The following CEP135 variants were observed in gnomAD, a reference collection of about 807,000 sequenced individuals.
CEP135 encodes the protein centrosomal protein 135.
Under a neutral mutation model 157.3 loss-of-function variants are expected in CEP135, and 142 were observed. The ratio of observed to expected loss-of-function variants is 0.90; its 90% CI spans 0.79 to 1.04. The LOEUF is 1.04. Ranked by LOEUF, CEP135 falls within the 50% of genes least tolerant of loss-of-function variation. The pLI is 0.00. For missense variants in CEP135, 1,317 were observed against 1,309.2 expected (o/e 1.01, Z -0.09); for synonymous variants, 396 against 439.8 (o/e 0.90, Z 1.25).
intron 19 of CEP135, 108 bp downstream of exon 19, chr4:56,010,011 CATAA>C: frequency 8.7e-7 from 1 of 1,151,358 alleles, no homozygotes; most frequent in Non-Finnish European, 1.2e-6. Context: ...AAATAAGTGA[CATAA>C]ATAATTCATT....
In CEP135 at chr4:56,031,409, A is replaced by G. The variant is rs1560430444; in HGVS notation, c.*61A>G. The G allele has an allele frequency of 6.6e-6, 1 of 152,632 alleles. No homozygotes were observed. The highest frequency in any genetic ancestry group is 1.9e-4 in the East Asian group (1 of 5,196). 9.5% of individuals were successfully genotyped at this position (152,632 alleles called of 1,614,324 possible). On this transcript the variant is annotated 3_prime_UTR_variant, in exon 26 of 26. Coordinates refer to ENST00000257287, the MANE Select transcript of CEP135 (RefSeq NM_025009.5). ...ATGTGGATTTTTAAAAGAACAGAAC[A>G]GTAATGAAATATTTGAAGTACTTGT... is the stretch of plus-strand genomic sequence containing the variant.
intron 10 of CEP135, 82 bp from the exon 11 acceptor site, chr4:55,974,664 A>C: frequency 9.7e-7 from 1 of 1,025,778 alleles, no homozygotes; most frequent in East Asian, 2.6e-5. Flanking sequence ...CTTTCATTCT[A>C]AAAGTTATTA....
chr4:55,978,905 T>G (rs1022186356), intron 11 of CEP135, among the ~76,000 whole-genome samples: 12 of 152,244 alleles, frequency 7.9e-5, no homozygotes, highest in African/African-American at 2.7e-4. Context: ...ATAGTTACAT[T>G]GGTTAAGTCC....
chr4:55,965,431 A>G (rs1000494718), intron 7 of CEP135: 2 of 417,602 alleles, frequency 4.8e-6, no homozygotes, highest in Admixed American at 4.2e-5. Flanking sequence ...TGTCCTTTCT[A>G]TGCTTGAAAA....
intron 6 of CEP135, among the ~76,000 whole-genome samples, chr4:55,963,382 G>A (rs1462814340): frequency 2.0e-5 from 3 of 151,922 alleles, no homozygotes; most frequent in African/African-American, 7.3e-5. Context: ...AGCTATTTCT[G>A]CTGTCTCAAA....
At chr4:55,973,818 G>T (rs1384827591) in intron 10 of CEP135, among the ~76,000 whole-genome samples, 1 of 152,122 alleles carries the variant, frequency 6.6e-6, no homozygotes, top group Non-Finnish European at 1.5e-5. Flanking sequence ...GTTGGCTTCT[G>T]TTGCCATCTC....
rs142238802 is a variant in CEP135, at chr4:56,018,050, G to A, written c.3012+193G>A. Among the ~76,000 whole-genome samples, 656 of 151,826 alleles carry A rather than the reference G, an allele frequency of 4.3e-3. 2 individuals carry two copies. The highest frequency in any genetic ancestry group is 0.017 in the Middle Eastern group (5 of 294). ...GCGATCTCAACTCACCACAACTTCC[G>A]CCTCCTGGGTTCAACCAATTCTCCC... On this transcript the variant is annotated intron_variant, in intron 22 of 25. Transcript: ENST00000257287.
rs542243668 is a variant in CEP135 at position 55,954,136 on chromosome 4, T to A, written c.305-80T>A. 9.7e-5 allele frequency: 126 copies of A among 1,299,340 alleles called. No homozygotes were observed. In the East Asian group the frequency reaches 3.1e-3, roughly 32 times the overall value. The allele number at this position is 1,299,340 out of a possible 1,614,324, so 80.5% of individuals were successfully genotyped here. A position where few individuals can be genotyped will look rare whatever the true frequency, so the allele number is the denominator to read the frequency against. On this transcript the variant is annotated intron_variant, in intron 3 of 25. Coordinates refer to ENST00000257287, the MANE Select transcript of CEP135 (RefSeq NM_025009.5). ...GTGGAGACTTTTAAATTGATATGAC[T>A]TTTTGTATTTTGTGAAATGGAAAAA...
chr4:56,020,653 T>C (rs1730942540), intron 23 of CEP135, 23 bp from the exon 24 acceptor site: 3 of 1,601,542 alleles, frequency 1.9e-6, no homozygotes, highest in Non-Finnish European at 2.6e-6. Context: ...GTTTATTTCT[T>C]GATTTTTTAA....
chr4:56,011,914 C>A lies in CEP135; in HGVS notation c.2731C>A (p.Leu911Ile), dbSNP rs1730599536. 1.9e-6 allele frequency: 3 copies of A among 1,604,000 alleles called. No individual in the cohort carries two copies. In the East Asian group the frequency reaches 6.8e-5, roughly 36 times the overall value. ...AGAAAGCAGCTCAGTTCGACTGGAA[C>A]TTCTTTCTATTGACACTGAGAGGAG... is the stretch of plus-strand genomic sequence containing the variant. ...EGESSSVRLELLSIDTERRHL... is the reference protein window; with the variant it reads ...EGESSSVRLEILSIDTERRHL... The change falls in exon 21 of 26, where the codon CTT becomes ATT. Residue 911 changes from leucine to isoleucine, a missense_variant. Transcript: ENST00000257287.
Position 55,971,205 on chromosome 4 carries a change from ATCTT to A in CEP135, c.1111-64_1111-61del, listed in dbSNP as rs149118125. The A allele has an allele frequency of 0.029, 36,644 of 1,282,278 alleles. 655 individuals are homozygous for A. Among genetic ancestry groups the A allele is most frequent in the Admixed American group, 0.082 (3,219 of 39,482 alleles). The allele number at this position is 1,282,278 out of a possible 1,614,324, so 79.4% of individuals were successfully genotyped here. A position where few individuals can be genotyped will look rare whatever the true frequency, so the allele number is the denominator to read the frequency against. Reference sequence around the variant, plus strand: ...TATATAAATGTGCTTATAAAAATCTATCTTAAGTGCGATAATATTTTATAAAGTT... The same window carrying A: ...TATATAAATGTGCTTATAAAAATCTAAAGTGCGATAATATTTTATAAAGTT... On this transcript the variant is annotated intron_variant, in intron 9 of 25. Transcript: ENST00000257287.
chr4:55,949,742 A>G (rs756807563), intron 1 of CEP135, among the ~76,000 whole-genome samples: 9 of 152,252 alleles, frequency 5.9e-5, no homozygotes, highest in Non-Finnish European at 1.3e-4. Context: ...TTGCTTTGCT[A>G]GAAACTTAGA....
intron 12 of CEP135, 32 bp from the exon 13 acceptor site, chr4:55,981,195 C>T (rs1195257327): frequency 3.9e-6 from 6 of 1,543,042 alleles, no homozygotes; most frequent in Non-Finnish European, 5.2e-6. Flanking sequence ...TACTAAAGTG[C>T]CTTTTTAATT....
At chr4:55,965,316 C>G (rs928935991) in intron 7 of CEP135, 27 of 181,222 alleles carry the variant, frequency 1.5e-4, no homozygotes, top group Admixed American at 1.2e-3. Context: ...TCAGTAGCCA[C>G]ATGTGGTTGC....
chr4:55,956,967 A>G (rs1237462536), intron 4 of CEP135, among the ~76,000 whole-genome samples: 1 of 152,106 alleles, frequency 6.6e-6, no homozygotes, highest in Non-Finnish European at 1.5e-5. Context: ...GGGCAAACAT[A>G]TTAAGCCTGG....
At chr4:55,978,621 G>C (rs1251521057) in intron 11 of CEP135, among the ~76,000 whole-genome samples, 1 of 152,184 alleles carries the variant, frequency 6.6e-6, no homozygotes, top group Non-Finnish European at 1.5e-5. Context: ...TGCGATCATA[G>C]CTCACTGTAA....
chr4:56,021,490 T>A (rs1379000945), intron 24 of CEP135, among the ~76,000 whole-genome samples: 1 of 152,182 alleles, frequency 6.6e-6, no homozygotes, highest in Admixed American at 6.5e-5. Flanking sequence ...CTAACCCGGA[T>A]TGAGACCTGC....
chr4:55,986,216 A>G (rs1450105605), intron 14 of CEP135, among the ~76,000 whole-genome samples: 1 of 152,206 alleles, frequency 6.6e-6, no homozygotes, highest in Non-Finnish European at 1.5e-5. Context: ...GGTATTAGCT[A>G]TGATTATTGT....
At chr4:55,958,275 A>T (rs1728566361) in intron 5 of CEP135, among the ~76,000 whole-genome samples, 1 of 152,150 alleles carries the variant, frequency 6.6e-6, no homozygotes, top group African/African-American at 2.4e-5. Context: ...TCTCTACAAA[A>T]AATTTAAAAA....
Sources: allele counts gnomAD v4.1 joint callset (sites outside exome capture counted in the v4.1 genomes callset), GRCh38; gene constraint gnomAD v4.1.1; transcripts MANE v1.5; gene names NCBI Gene and HGNC (gene_info 2026-07-23, HGNC 2026-07-21).